The following DUSP18 variants were observed in gnomAD, a reference collection of about 807,000 sequenced individuals.
DUSP18 encodes dual specificity phosphatase 18.
Under a neutral mutation model 6.3 loss-of-function variants are expected in DUSP18, and 4 were observed. The ratio of observed to expected loss-of-function variants is 0.63; its 90% CI spans 0.31 to 1.45. The LOEUF (loss-of-function observed/expected upper bound fraction) is 1.45, where lower values mean the gene tolerates loss of function less well. Ranked by LOEUF, DUSP18 falls within the 40% of genes most tolerant of loss-of-function variation. The probability of loss-of-function intolerance (pLI) is 0.07; values close to 1 mark genes in which losing one functional copy is unlikely to be tolerated. For missense variants in DUSP18, 235 were observed against 247.7 expected (o/e 0.95, Z 0.34); for synonymous variants, 96 against 95.1 (o/e 1.01, Z -0.05).
downstream of DUSP18, among the ~76,000 whole-genome samples, chr22:30,660,773 G>A (rs1180417972): frequency 6.6e-6 from 1 of 151,862 alleles, no homozygotes; most frequent in Non-Finnish European, 1.5e-5. Flanking sequence ...ATTACCTGTT[G>A]GGAAACAATA....
At chr22:30,654,541 C>T (rs1438448021) in intron 2 of DUSP18, 3 of 438,406 alleles carry the variant, frequency 6.8e-6, no homozygotes, top group African/African-American at 4.1e-5. Context: ...CTTGGTCTCG[C>T]GGGGCAGCAT....
Position 30,663,333 on chromosome 22 carries a change from T to C in DUSP18, c.*104A>G. 1 of 1,217,080 alleles carries C rather than the reference T, an allele frequency of 8.2e-7. No homozygotes were observed. The highest frequency in any genetic ancestry group is 1.1e-6 in the Non-Finnish European group (1 of 872,854). The allele number at this position is 1,217,080 out of a possible 1,614,324, so 75.4% of individuals were successfully genotyped here. ...TGTGCTCATAAAAGGCATCATCTGTTTTTTTCTGTATCAACAAAAGTAGAA... is the reference window on the plus strand; with the variant it reads ...TGTGCTCATAAAAGGCATCATCTGTCTTTTTCTGTATCAACAAAAGTAGAA... On this transcript the variant is annotated 3_prime_UTR_variant, in exon 2 of 2. Coordinates refer to ENST00000334679, the MANE Select transcript of DUSP18 (RefSeq NM_152511.5).
chr22:30,663,834 A>G lies in DUSP18; in HGVS notation c.170T>C (p.Val57Ala). 1 of 1,614,222 alleles carries G rather than the reference A, an allele frequency of 6.2e-7. No homozygotes were observed. Among genetic ancestry groups the G allele is most frequent in the Non-Finnish European group, 8.5e-7 (1 of 1,180,030 alleles). Residue 57 changes from valine to alanine, a missense_variant, in exon 2 of 2, where the codon GTG becomes GCG. Transcript: ENST00000334679. Reference sequence around the variant, plus strand: ...CTGGATATCCTCATACAAGGTGTTCACTACCTCCACTGAGACATTGATGAC... The same window carrying G: ...CTGGATATCCTCATACAAGGTGTTCGCTACCTCCACTGAGACATTGATGAC... ...TMVINVSVEV[V>A]NTLYEDIQYM...
At chr22:30,656,884 GAGGA>G (rs1005913208), downstream of DUSP18, among the ~76,000 whole-genome samples, 3 of 152,180 alleles carry the variant, frequency 2.0e-5, no homozygotes, top group African/African-American at 7.2e-5. Flanking sequence ...GGAGGCTGAG[GAGGA>G]AGGATCACTT....
intron 2 of DUSP18, chr22:30,654,141 G>A (rs1054405471): frequency 5.2e-5 from 12 of 229,852 alleles, no homozygotes; most frequent in Middle Eastern, 1.7e-3. Context: ...CACCACGCCC[G>A]GCTATTTTTA....
intron 1 of DUSP18, chr22:30,665,378 G>A (rs2145622266): frequency 3.1e-6 from 1 of 326,242 alleles, no homozygotes. Flanking sequence ...TCCATGCTCT[G>A]AAGGGCCTCA....
downstream of DUSP18, among the ~76,000 whole-genome samples, chr22:30,657,299 ACACAC>A (rs566131123): frequency 0.06 from 3,832 of 64,232 alleles, 84 homozygotes; most frequent in Non-Finnish European, 0.12. Flanking sequence ...ACACACACAC[ACACAC>A]ACAAATTAGC....
chr22:30,663,363 C>A lies in DUSP18; in HGVS notation c.*74G>T. On this transcript the variant is annotated 3_prime_UTR_variant, in exon 2 of 2. Coordinates refer to ENST00000334679, the MANE Select transcript of DUSP18 (RefSeq NM_152511.5). ...TCTGTATCAACAAAAGTAGAATGTT[C>A]AAGTTTGGATCTTGGTGTAAGATCA... is the stretch of plus-strand genomic sequence containing the variant. 7.0e-7 allele frequency: 1 copy of A among 1,437,158 alleles called. No homozygotes were observed. The highest frequency in any genetic ancestry group is 1.4e-5 in the South Asian group (1 of 72,322). 89.0% of individuals were successfully genotyped at this position (1,437,158 alleles called of 1,614,324 possible). A position where few individuals can be genotyped will look rare whatever the true frequency, so the allele number is the denominator to read the frequency against.
At chr22:30,661,444 C>CTTTTTTTTTTTTT (rs56242112), downstream of DUSP18, 27 of 136,462 alleles carry the variant, frequency 2.0e-4, no homozygotes, top group Non-Finnish European at 3.3e-4. Context: ...TTTTCTTTTT[C>CTTTTTTTTTTTTT]TTTTTTTTTT....
chr22:30,662,650 AATCTC>A lies in DUSP18; in HGVS notation c.*782_*786del, dbSNP rs1449345120. 6.6e-6 allele frequency: 1 copy of A among 151,982 alleles called. No individual in the cohort carries two copies. The highest frequency in any genetic ancestry group is 1.5e-5 in the Non-Finnish European group (1 of 68,024). The allele number at this position is 151,982 out of a possible 1,614,324, so 9.4% of individuals were successfully genotyped here. A position where few individuals can be genotyped will look rare whatever the true frequency, so the allele number is the denominator to read the frequency against. The stretch of plus-strand genomic sequence containing the variant: ...GAGACCAGTCTGGGCGACATAGTAA[AATCTC>A]ATCTCTATAAAAAAAGAAAAAAAAT... On this transcript the variant is annotated 3_prime_UTR_variant, in exon 2 of 2. Transcript: ENST00000334679.
At chr22:30,660,536 A>G (rs1334373027), downstream of DUSP18, among the ~76,000 whole-genome samples, 1 of 152,200 alleles carries the variant, frequency 6.6e-6, no homozygotes, top group South Asian at 2.1e-4. Context: ...AAGCTCTAAC[A>G]TTCATGTTAT....
intron 2 of DUSP18, chr22:30,654,355 G>A (rs1569063798): frequency 1.3e-5 from 6 of 463,818 alleles, no homozygotes; most frequent in Admixed American, 2.3e-5. Flanking sequence ...CAGGGTGGCT[G>A]TCACTGTCTG....
intron 2 of DUSP18, chr22:30,654,168 T>C (rs1479091198): frequency 3.3e-5 from 8 of 240,548 alleles, no homozygotes; most frequent in African/African-American, 7.0e-5. Context: ...ATTTTTTTAG[T>C]AGAGACTGGG....
Position 30,663,440 on chromosome 22 carries a change from C to G in DUSP18, c.564G>C (p.Leu188=). ...YEKEVRLMIP[L] ...ATGCAGGGGCTCGTGGGATGGCTCA[C>G]AGTGGAATCATCAAACGGACTTCCT... Residue 188 remains leucine (L), a synonymous_variant, in exon 2 of 2, where the codon CTG becomes CTC. Coordinates refer to ENST00000334679, the MANE Select transcript of DUSP18 (RefSeq NM_152511.5). The G allele has an allele frequency of 6.2e-7, 1 of 1,607,552 alleles. No homozygotes were observed. The highest frequency in any genetic ancestry group is 8.5e-7 in the Non-Finnish European group (1 of 1,174,810).
intron 1 of DUSP18, chr22:30,665,565 T>G (rs745942924): frequency 6.2e-5 from 29 of 470,760 alleles, no homozygotes; most frequent in South Asian, 4.5e-4. Context: ...TAAAGGTAAC[T>G]GTTTTAAGGG....
chr22:30,666,386 C>T (rs1010294862), intron 1 of DUSP18, among the ~76,000 whole-genome samples: 6 of 152,088 alleles, frequency 3.9e-5, no homozygotes, highest in East Asian at 1.9e-4. Context: ...TTTGGAAGGC[C>T]GAGGCGGGCA....
In DUSP18 at chr22:30,663,796, G is replaced by A. The variant is rs777292680; in HGVS notation, c.208C>T (p.Pro70Ser). ...CGTGAGTTAGGGGAGTCAGCCACAG[G>A]TACCTGCATGTACTGGATATCCTCA... is the stretch of plus-strand genomic sequence containing the variant. ...LYEDIQYMQV[P>S]VADSPNSRLC... is the part of the protein sequence containing the mutation. Residue 70 changes from proline to serine, a missense_variant, in exon 2 of 2, where the codon CCT becomes TCT. Transcript: ENST00000334679. 6.2e-6 allele frequency: 10 copies of A among 1,614,210 alleles called. No homozygotes were observed. Among genetic ancestry groups the A allele is most frequent in the South Asian group, 1.1e-5 (1 of 91,090 alleles).
chr22:30,667,303 G>A (rs936064312), intron 1 of DUSP18, 159 bp downstream of exon 1: 1 of 152,218 alleles, frequency 6.6e-6, no homozygotes, highest in Admixed American at 6.5e-5. Context: ...AACACCGCGG[G>A]GCGTTCGTGA....
chr22:30,659,123 CAAAAAAAAAAAAA>C (rs35939188), downstream of DUSP18, among the ~76,000 whole-genome samples: 3 of 104,748 alleles, frequency 2.9e-5, no homozygotes, highest in Non-Finnish European at 5.5e-5. Context: ...GACTCCATCT[CAAAAAAAAAAAAA>C]AAAAAAAAAA....
Sources: gnomAD v4.1 joint callset for allele counts (sites outside exome capture counted in the v4.1 genomes callset) on GRCh38, gnomAD v4.1.1 for gene constraint, MANE v1.5 for transcripts, NCBI Gene and HGNC (gene_info 2026-07-23, HGNC 2026-07-21) for gene names.